Variants in DCDC2 observed in about 807,000 individuals in gnomAD.
DCDC2 encodes doublecortin domain-containing protein 2.
DCDC2 carries 40 observed loss-of-function variants against 50.2 expected under a neutral mutation model. The observed-to-expected ratio is 0.80, with a 90% CI of 0.62 to 1.04. The LOEUF is 1.04. DCDC2 is among the 50% of genes least tolerant of loss of function. The pLI, the probability that DCDC2 is intolerant of heterozygous loss-of-function variation, is 0.00. For missense variants in DCDC2, 570 were observed against 581.9 expected, an observed-to-expected ratio of 0.98 and a Z score of 0.21; for synonymous variants, 234 against 210.6, an observed-to-expected ratio of 1.11 and a Z score of -0.96.
intron 6 of DCDC2, among the ~76,000 whole-genome samples, chr6:24,283,759 C>T (rs576319506): frequency 2.6e-5 from 4 of 152,278 alleles, no homozygotes; most frequent in South Asian, 2.1e-4. Flanking sequence ...TGTTAAAAAT[C>T]GAGCTTGTGA....
At chr6:24,180,043 C>A (rs923381776) in intron 8 of DCDC2, among the ~76,000 whole-genome samples, 1 of 151,592 alleles carries the variant, frequency 6.6e-6, no homozygotes, top group African/African-American at 2.4e-5. Flanking sequence ...AGGTTCAAGT[C>A]CTGACCAGGC....
chr6:24,381,084 GAAA>G, the DCDC2 span, among the ~76,000 whole-genome samples: 1 of 91,780 alleles, frequency 1.1e-5, no homozygotes, highest in Admixed American at 1.1e-4. Flanking sequence ...CTTGTCTCAA[GAAA>G]AAAAAAAAAA....
upstream of DCDC2, among the ~76,000 whole-genome samples, chr6:24,360,017 CG>C (rs1760638386): frequency 2.0e-5 from 3 of 152,272 alleles, no homozygotes; most frequent in South Asian, 6.2e-4. Flanking sequence ...CGCGCGGGGG[CG>C]GGGCGGTGCG....
chr6:24,249,133 C>T (rs1762745655), intron 7 of DCDC2, among the ~76,000 whole-genome samples: 1 of 144,738 alleles, frequency 6.9e-6, no homozygotes, highest in African/African-American at 2.6e-5. Flanking sequence ...TAAAGTGACT[C>T]ACTTAATACC....
In DCDC2 at chr6:24,357,901, T is replaced by C; in HGVS notation, c.-151A>G. ...ACAGGTGAAAGAGAAGTAACGGCCG[T>C]GCGCCTAGGCGTCCACCCAGAGGAG... is the stretch of plus-strand genomic sequence containing the variant. On this transcript the variant is annotated 5_prime_UTR_variant, in exon 1 of 10. Transcript: ENST00000378454. 6.5e-7 allele frequency: 1 copy of C among 1,537,972 alleles called. No individual in the cohort carries two copies. Among genetic ancestry groups the C allele is most frequent in the Non-Finnish European group, 8.8e-7 (1 of 1,142,674 alleles).
At chr6:24,301,370 C>CAAAA (rs59055669) in intron 4 of DCDC2, among the ~76,000 whole-genome samples, 1,917 of 63,950 alleles carry the variant, frequency 0.03, 148 homozygotes, top group African/African-American at 0.09. Flanking sequence ...GGCTCCATCT[C>CAAAA]AAAAAAAAAA....
chr6:24,268,595 T>C (rs1160902160), intron 7 of DCDC2, among the ~76,000 whole-genome samples: 3 of 152,212 alleles, frequency 2.0e-5, no homozygotes, highest in Non-Finnish European at 2.9e-5. Context: ...CTTAACACCA[T>C]CCAGAAGCTC....
intron 7 of DCDC2, among the ~76,000 whole-genome samples, chr6:24,220,547 AG>A (rs1264279364): frequency 3.3e-5 from 5 of 152,188 alleles, no homozygotes; most frequent in African/African-American, 2.4e-5. Context: ...CAGCCCTGGA[AG>A]GGTAACTGTC....
intron 5 of DCDC2, among the ~76,000 whole-genome samples, chr6:24,289,971 C>CTTTTTTTTT (rs3077132): frequency 1.8e-4 from 11 of 61,046 alleles, no homozygotes; most frequent in Admixed American, 4.6e-4. Flanking sequence ...CAGAGCTCTT[C>CTTTTTTTTT]TTTTTTTTTT....
chr6:24,359,554 T>G (rs1343822698), upstream of DCDC2, among the ~76,000 whole-genome samples: 118 of 115,850 alleles, frequency 1.0e-3, no homozygotes, highest in South Asian at 0.012. Context: ...TTTATATATA[T>G]TATATATTTT....
chr6:24,260,391 T>C (rs550268217), intron 7 of DCDC2, among the ~76,000 whole-genome samples: 1 of 152,238 alleles, frequency 6.6e-6, no homozygotes, highest in Non-Finnish European at 1.5e-5. Context: ...CTTTTGGCAC[T>C]TTCTACTTTA....
chr6:24,322,743 GC>G (rs1197515797), intron 2 of DCDC2, among the ~76,000 whole-genome samples: 2 of 152,248 alleles, frequency 1.3e-5, no homozygotes, highest in East Asian at 3.9e-4. Flanking sequence ...TAGCCTGGAA[GC>G]CCCCACTTTG....
At chr6:24,381,959 A>AAG in the DCDC2 span, among the ~76,000 whole-genome samples, 187 of 103,700 alleles carry the variant, frequency 1.8e-3, no homozygotes, top group Middle Eastern at 5.3e-3. Context: ...AAGGAAAGAA[A>AAG]GAAGGAAGGA....
chr6:24,244,042 T>C (rs1762620157), intron 7 of DCDC2, among the ~76,000 whole-genome samples: 1 of 152,210 alleles, frequency 6.6e-6, no homozygotes, highest in Non-Finnish European at 1.5e-5. Flanking sequence ...AGCTAAAGAC[T>C]ACTCACCTCC....
At position 24,357,607 on chromosome 6, in the gene DCDC2, C is replaced by G. The variant is rs761682006; in HGVS notation, c.144G>C (p.Leu48=). The part of the protein sequence containing the change: ...EKKVSSFEVF[L]KEVTGGVQAP... ...CCTGAACGCCGCCGGTCACCTCCTT[C>G]AGGAAGACTTCGAAGCTGGACACCT... Residue 48 remains leucine (L), a synonymous_variant, in exon 1 of 10, where the codon CTG becomes CTC. Transcript: ENST00000378454. The G allele has an allele frequency of 2.5e-6, 4 of 1,613,512 alleles. No individual in the cohort carries two copies. The highest frequency in any genetic ancestry group is 2.2e-5 in the East Asian group (1 of 44,884).
Position 24,289,970 on chromosome 6 carries a change from T to C in DCDC2, c.704+962A>G, listed in dbSNP as rs568014140. Among the ~76,000 whole-genome samples the C allele has an allele frequency of 1.9e-4, 20 of 107,322 alleles. No homozygotes were observed. The East Asian group carries it at 4.8e-3, about 26-fold the overall frequency. The allele number at this position is 107,322 out of a possible 152,430, so 70.4% of individuals were successfully genotyped here. A position where few individuals can be genotyped will look rare whatever the true frequency, so the allele number is the denominator to read the frequency against. On this transcript the variant is annotated intron_variant, in intron 5 of 9. Transcript: ENST00000378454. Reference sequence around the variant, plus strand: ...ATCCTGCAGCATGGGCCAGAGCTCTTCTTTTTTTTTTTTTTTTTTTTTTTT... The same window carrying C: ...ATCCTGCAGCATGGGCCAGAGCTCTCCTTTTTTTTTTTTTTTTTTTTTTTT...
In DCDC2 at chr6:24,301,961, A is replaced by C. The variant is rs1349804796; in HGVS notation, c.425+7T>G. 6.2e-7 allele frequency: 1 copy of C among 1,613,540 alleles called. No individual in the cohort carries two copies. Among genetic ancestry groups the C allele is most frequent in the East Asian group, 2.2e-5 (1 of 44,900 alleles). The stretch of plus-strand genomic sequence containing the variant: ...TTTAACTTGAAGTATAAAGGGTTTC[A>C]ACTTACAAGATAGTGCACGGCTCCT... On this transcript the variant is annotated splice_region_variant and intron_variant, in intron 3 of 9. Coordinates refer to ENST00000378454, the MANE Select transcript of DCDC2 (RefSeq NM_016356.5).
chr6:24,373,166 T>C, the DCDC2 span, among the ~76,000 whole-genome samples: 3 of 152,194 alleles, frequency 2.0e-5, no homozygotes, highest in Non-Finnish European at 4.4e-5. Context: ...GACAACCACA[T>C]TGGAAATTAT....
chr6:24,245,370 T>C (rs1168078380), intron 7 of DCDC2, among the ~76,000 whole-genome samples: 1 of 152,198 alleles, frequency 6.6e-6, no homozygotes, highest in Non-Finnish European at 1.5e-5. Flanking sequence ...TCCAAATGCC[T>C]GAAAAATGCC....
Sources: gnomAD v4.1 joint callset for allele counts (sites outside exome capture counted in the v4.1 genomes callset) on GRCh38, gnomAD v4.1.1 for gene constraint, MANE v1.5 for transcripts, NCBI Gene and HGNC (gene_info 2026-07-23, HGNC 2026-07-21) for gene names.